The following DENND4C variants were observed in gnomAD, a reference collection of about 807,000 sequenced individuals.
DENND4C encodes DENN domain-containing protein 4C.
Under a neutral mutation model 203.0 loss-of-function variants are expected in DENND4C, and 108 were observed. The ratio of observed to expected loss-of-function variants is 0.53; its 90% CI spans 0.46 to 0.62. The LOEUF (loss-of-function observed/expected upper bound fraction) is 0.62, where lower values mean the gene tolerates loss of function less well. Ranked by LOEUF, DENND4C falls within the 20% of genes least tolerant of loss-of-function variation. The pLI, the probability that DENND4C is intolerant of heterozygous loss-of-function variation, is 0.00. For missense variants in DENND4C, 2,481 were observed against 2,301.2 expected, an observed-to-expected ratio of 1.08 and a Z score of -1.60; for synonymous variants, 871 against 792.4, an observed-to-expected ratio of 1.10 and a Z score of -1.67.
At chr9:19,354,870 G>C (rs1825029828) in intron 26 of DENND4C, among the ~76,000 whole-genome samples, 5 of 149,694 alleles carry the variant, frequency 3.3e-5, no homozygotes, top group Non-Finnish European at 7.4e-5. Context: ...CTATGAATTG[G>C]TTGCTTATGT....
intron 25 of DENND4C, 54 bp downstream of exon 25, chr9:19,352,236 T>C: frequency 6.7e-7 from 1 of 1,499,766 alleles, no homozygotes. Context: ...TATTTTTATT[T>C]CAGAATGGCA....
rs747621061 is a variant in DENND4C, at chr9:19,296,132, C to A, written c.926C>A (p.Thr309Lys). The change falls in exon 6 of 33, where the codon ACA (threonine) becomes AAA (lysine). Residue 309 changes from threonine to lysine, a missense_variant. Thr to Lys is a moderately conservative substitution (Grantham distance 78). Around this residue, in one of 3 missense-constraint regions of DENND4C, gnomAD observed 2,289 missense variants for 2,113.3 expected, o/e 1.08. Coordinates refer to ENST00000434457, the MANE Select transcript of DENND4C (RefSeq NM_001330640.2). Reference protein sequence around the residue: ...ERKMVSKSINTNKCICLLSHW... With the variant: ...ERKMVSKSINKNKCICLLSHW... The stretch of plus-strand genomic sequence containing the variant: ...AAAATGGTCTCCAAATCCATCAATA[C>A]AAACAAATGCATTTGTTTACTCTCA... 1.2e-6 allele frequency: 2 copies of A among 1,613,636 alleles called. No individual in the cohort carries two copies. Among genetic ancestry groups the A allele is most frequent in the African/African-American group, 1.3e-5 (1 of 74,884 alleles).
At chr9:19,321,565 C>G (rs1842879186) in intron 12 of DENND4C, among the ~76,000 whole-genome samples, 1 of 151,346 alleles carries the variant, frequency 6.6e-6, no homozygotes, top group Non-Finnish European at 1.5e-5. Flanking sequence ...CTAATAGAGG[C>G]CAGACGCAGT....
chr9:19,341,248 G>T, intron 21 of DENND4C, 134 bp downstream of exon 21: 4 of 549,096 alleles, frequency 7.3e-6, no homozygotes, highest in South Asian at 3.9e-5. Flanking sequence ...GCTGTGTACT[G>T]TTACATAAGG....
At position 19,286,786 on chromosome 9, in the gene DENND4C, A is replaced by G. The variant is rs1835298565; in HGVS notation, c.323A>G (p.Lys108Arg). The G allele has an allele frequency of 8.1e-7, 1 of 1,232,034 alleles. No homozygotes were observed. Among genetic ancestry groups the G allele is most frequent in the South Asian group, 4.1e-5 (1 of 24,324 alleles). The allele number at this position is 1,232,034 out of a possible 1,614,324, so 76.3% of individuals were successfully genotyped here. Residue 108 changes from lysine to arginine, a missense_variant, in exon 3 of 33, where the codon AAA (lysine) becomes AGA (arginine). Physicochemically the swap from Lys to Arg is conservative, Grantham distance 26 (BLOSUM62 2). Coordinates refer to ENST00000434457, the MANE Select transcript of DENND4C (RefSeq NM_001330640.2). Reference sequence around the variant, plus strand: ...CCATGCAGAGTTCTATATGAAGGGAAAGAACGGCTTATTCCAGGATGTGAA... The same window carrying G: ...CCATGCAGAGTTCTATATGAAGGGAGAGAACGGCTTATTCCAGGATGTGAA... Reference protein sequence around the residue: ...LTDIGVLYEGKERLIPGCEVI... With the variant: ...LTDIGVLYEGRERLIPGCEVI...
At chr9:19,315,949 A>G (rs1453949144) in intron 10 of DENND4C, among the ~76,000 whole-genome samples, 1 of 151,998 alleles carries the variant, frequency 6.6e-6, no homozygotes, top group African/African-American at 2.4e-5. Flanking sequence ...TTGTTTCATG[A>G]TCATAGATTA....
chr9:19,341,190 A>G, intron 21 of DENND4C, 76 bp downstream of exon 21: 1 of 1,187,102 alleles, frequency 8.4e-7, no homozygotes, highest in Non-Finnish European at 1.1e-6. Context: ...ATCTTAGTTG[A>G]TAGCTTTGAT....
At chr9:19,233,523 T>A (rs1180169667) in intron 1 of DENND4C, among the ~76,000 whole-genome samples, 1 of 152,044 alleles carries the variant, frequency 6.6e-6, no homozygotes, top group Non-Finnish European at 1.5e-5. Flanking sequence ...ATTTGTTAAG[T>A]ATGTGGATGT....
intron 1 of DENND4C, among the ~76,000 whole-genome samples, chr9:19,243,685 T>C (rs1824358326): frequency 6.6e-6 from 1 of 152,226 alleles, no homozygotes. Context: ...TTCATTCCTT[T>C]TTATGGCTGA....
At chr9:19,232,138 G>T (rs1196612559) in intron 1 of DENND4C, among the ~76,000 whole-genome samples, 3 of 152,268 alleles carry the variant, frequency 2.0e-5, no homozygotes, top group Non-Finnish European at 2.9e-5. Context: ...TTTCTGTCCT[G>T]TTCTTTGTAT....
chr9:19,328,581 C>G (rs1011062736), intron 16 of DENND4C, among the ~76,000 whole-genome samples: 4 of 152,162 alleles, frequency 2.6e-5, no homozygotes, highest in African/African-American at 9.6e-5. Context: ...CCACTGCACT[C>G]CAGCCTGGGT....
chr9:19,259,735 C>A (rs537980920), intron 1 of DENND4C, among the ~76,000 whole-genome samples: 45 of 152,056 alleles, frequency 3.0e-4, no homozygotes, highest in Admixed American at 1.4e-3. Context: ...AAACTCCTGA[C>A]CTCAGGTGAT....
intron 2 of DENND4C, chr9:19,276,690 G>A (rs552969810): frequency 2.8e-6 from 1 of 358,234 alleles, no homozygotes; most frequent in East Asian, 4.2e-5. Flanking sequence ...TGAATTGTTA[G>A]ATCATTTGCT....
chr9:19,269,795 T>C (rs1177168607), intron 1 of DENND4C, among the ~76,000 whole-genome samples: 1 of 152,208 alleles, frequency 6.6e-6, no homozygotes, highest in African/African-American at 2.4e-5. Context: ...TGTTTTCCTG[T>C]ATGGTCTTGA....
chr9:19,369,767 A>C (rs1194546478), intron 30 of DENND4C, 70 bp from the exon 31 acceptor site: 1 of 445,154 alleles, frequency 2.2e-6, no homozygotes, highest in South Asian at 1.0e-4. Context: ...ATGTTGTCTC[A>C]AAAAAAAAAA....
chr9:19,240,320 A>G (rs1229699008), intron 1 of DENND4C, among the ~76,000 whole-genome samples: 2 of 152,184 alleles, frequency 1.3e-5, no homozygotes, highest in East Asian at 3.8e-4. Context: ...CTATAGCATA[A>G]TGGTGAATAT....
intron 10 of DENND4C, among the ~76,000 whole-genome samples, chr9:19,306,926 C>T (rs866958545): frequency 2.0e-5 from 3 of 151,796 alleles, no homozygotes; most frequent in Non-Finnish European, 4.4e-5. Context: ...AATTAACAGG[C>T]GTGTGCCACC....
chr9:19,242,589 T>G (rs1824032562), intron 1 of DENND4C, among the ~76,000 whole-genome samples: 1 of 152,202 alleles, frequency 6.6e-6, no homozygotes, highest in African/African-American at 2.4e-5. Context: ...GTATTTGGTA[T>G]TGTCAGTTTT....
At chr9:19,261,649 G>T (rs545937868) in intron 1 of DENND4C, among the ~76,000 whole-genome samples, 1 of 151,148 alleles carries the variant, frequency 6.6e-6, no homozygotes, top group East Asian at 1.9e-4. Flanking sequence ...GACTACAAGT[G>T]AATCCCACCA....
Sources: gnomAD v4.1 joint callset for allele counts (sites outside exome capture counted in the v4.1 genomes callset) on GRCh38, gnomAD v4.1.1 for gene constraint, gnomAD v4.1.1 regional missense constraint, MANE v1.5 for transcripts, NCBI Gene and HGNC (gene_info 2026-07-23, HGNC 2026-07-21) for gene names.